The following BCKDHB variants were observed in gnomAD, a reference collection of about 807,000 sequenced individuals.
BCKDHB encodes the protein branched chain keto acid dehydrogenase E1 subunit beta, also known as 2-oxoisovalerate dehydrogenase subunit beta, mitochondrial.
Under a neutral mutation model 48.5 loss-of-function variants are expected in BCKDHB, and 41 were observed. The ratio of observed to expected loss-of-function variants is 0.85; its 90% CI spans 0.66 to 1.10. BCKDHB has a LOEUF of 1.10. BCKDHB is among the 50% of genes least tolerant of loss of function. The pLI is 0.00. For synonymous variants in BCKDHB, 201 were observed against 174.8 expected, an observed-to-expected ratio of 1.15 and a Z score of -1.18; for missense variants, 496 against 494.2, an observed-to-expected ratio of 1.00 and a Z score of -0.03.
At chr6:80,394,970 G>A in the BCKDHB span, among the ~76,000 whole-genome samples, 1 of 152,160 alleles carries the variant, frequency 6.6e-6, no homozygotes, top group African/African-American at 2.4e-5. Flanking sequence ...CTCTCCTGCT[G>A]CCTTGTGAAG....
intron 9 of BCKDHB, among the ~76,000 whole-genome samples, chr6:80,329,702 G>C (rs540222422): frequency 1.9e-4 from 29 of 152,076 alleles, no homozygotes; most frequent in African/African-American, 6.5e-4. Context: ...TCCTAGCTTT[G>C]TACTTGCTGT....
intron 3 of BCKDHB, among the ~76,000 whole-genome samples, chr6:80,146,243 A>G (rs900843275): frequency 2.0e-5 from 3 of 152,206 alleles, no homozygotes; most frequent in African/African-American, 7.2e-5. Flanking sequence ...CCTGCCTTTA[A>G]GGAAATCATA....
At chr6:80,170,234 C>T (rs1011689335) in intron 5 of BCKDHB, among the ~76,000 whole-genome samples, 2 of 152,058 alleles carry the variant, frequency 1.3e-5, no homozygotes, top group African/African-American at 4.8e-5. Context: ...ATTTTTGCTG[C>T]TCTTTTATTT....
the BCKDHB span, among the ~76,000 whole-genome samples, chr6:80,411,509 G>A: frequency 6.6e-6 from 1 of 152,226 alleles, no homozygotes; most frequent in Admixed American, 6.5e-5. Context: ...TGTCAGACAG[G>A]GACGTTAAAG....
At chr6:80,421,197 C>A in the BCKDHB span, among the ~76,000 whole-genome samples, 1 of 152,068 alleles carries the variant, frequency 6.6e-6, no homozygotes, top group Non-Finnish European at 1.5e-5. Context: ...TTAAAGGTGG[C>A]AGTTTCCCTT....
At chr6:80,122,944 C>T (rs1275273721) in intron 1 of BCKDHB, among the ~76,000 whole-genome samples, 7 of 151,958 alleles carry the variant, frequency 4.6e-5, no homozygotes, top group African/African-American at 7.3e-5. Flanking sequence ...GCTCCCAGAG[C>T]GGATGTTTAT....
At chr6:80,315,598 G>GTT (rs920512530) in intron 9 of BCKDHB, among the ~76,000 whole-genome samples, 5 of 143,956 alleles carry the variant, frequency 3.5e-5, no homozygotes, top group South Asian at 2.2e-4. Flanking sequence ...CCGATCCCTT[G>GTT]TTTTTTTTTT....
the BCKDHB span, among the ~76,000 whole-genome samples, chr6:80,359,433 A>G: frequency 0.31 from 46,783 of 151,464 alleles, 8,631 homozygotes; most frequent in Admixed American, 0.4. Context: ...TTCCTTGGAA[A>G]CTCATTTCTA....
At chr6:80,216,105 A>G (rs1775160290) in intron 8 of BCKDHB, among the ~76,000 whole-genome samples, 1 of 152,146 alleles carries the variant, frequency 6.6e-6, no homozygotes, top group African/African-American at 2.4e-5. Flanking sequence ...AAAACTACAT[A>G]TGTTATGCAT....
intron 9 of BCKDHB, among the ~76,000 whole-genome samples, chr6:80,277,353 A>G (rs538724987): frequency 1.4e-3 from 219 of 152,188 alleles, no homozygotes; most frequent in Middle Eastern, 3.4e-3. Context: ...CTATTTTAAT[A>G]TCACCCAAAT....
intron 8 of BCKDHB, among the ~76,000 whole-genome samples, chr6:80,216,108 T>C (rs749520766): frequency 6.6e-6 from 1 of 152,196 alleles, no homozygotes; most frequent in African/African-American, 2.4e-5. Flanking sequence ...ACTACATATG[T>C]TATGCATGTT....
chr6:80,198,769 C>A (rs1274677102), intron 6 of BCKDHB, among the ~76,000 whole-genome samples: 1 of 152,108 alleles, frequency 6.6e-6, no homozygotes, highest in East Asian at 1.9e-4. Flanking sequence ...CGGTAAATAT[C>A]TGAATAGATA....
chr6:80,304,306 A>G (rs1767741175), intron 9 of BCKDHB, among the ~76,000 whole-genome samples: 1 of 152,050 alleles, frequency 6.6e-6, no homozygotes, highest in African/African-American at 2.4e-5. Flanking sequence ...TGCCATTGCT[A>G]CATTTTGGAT....
intron 8 of BCKDHB, among the ~76,000 whole-genome samples, chr6:80,216,733 G>A (rs1421898881): frequency 2.6e-5 from 4 of 152,250 alleles, no homozygotes; most frequent in Middle Eastern, 3.4e-3. Flanking sequence ...ATCTAAATGT[G>A]TTGACTTTCT....
chr6:80,449,782 T>G, the BCKDHB span, among the ~76,000 whole-genome samples: 3 of 152,174 alleles, frequency 2.0e-5, no homozygotes, highest in Non-Finnish European at 4.4e-5. Flanking sequence ...ATCCATATGA[T>G]CATATGACAA....
chr6:80,459,755 A>G, the BCKDHB span, among the ~76,000 whole-genome samples: 1 of 152,166 alleles, frequency 6.6e-6, no homozygotes, highest in Non-Finnish European at 1.5e-5. Flanking sequence ...TTTTATGGAA[A>G]TAGAATTGTT....
At chr6:80,351,342 G>C in the BCKDHB span, among the ~76,000 whole-genome samples, 42,918 of 152,026 alleles carry the variant, frequency 0.28, 6,337 homozygotes, top group Middle Eastern at 0.35. Flanking sequence ...AGACAAAGTA[G>C]AATACTCATT....
intron 9 of BCKDHB, among the ~76,000 whole-genome samples, chr6:80,335,719 G>GA (rs1769558748): frequency 2.0e-5 from 3 of 152,000 alleles, no homozygotes; most frequent in Admixed American, 2.0e-4. Flanking sequence ...ATTTAGTGAA[G>GA]AAAATTTTTT....
intron 3 of BCKDHB, among the ~76,000 whole-genome samples, chr6:80,146,155 G>A (rs138924546): frequency 2.1e-4 from 32 of 152,136 alleles, no homozygotes; most frequent in Non-Finnish European, 4.0e-4. Context: ...GGTTTAAAAG[G>A]TCCCCAAGTG....
Sources: allele counts gnomAD v4.1 joint callset (sites outside exome capture counted in the v4.1 genomes callset), GRCh38; gene constraint gnomAD v4.1.1; transcripts MANE v1.5; gene names NCBI Gene and HGNC (gene_info 2026-07-23, HGNC 2026-07-21).